ISYNA1: variants seen among roughly 807,000 people sequenced by gnomAD.
ISYNA1 encodes the protein inositol-3-phosphate synthase 1.
A neutral mutation model predicts 50.3 loss-of-function variants in ISYNA1; 34 were observed. The observed-to-expected ratio is 0.68, with a 90% CI of 0.51 to 0.90. The LOEUF (loss-of-function observed/expected upper bound fraction) is 0.90. Among genes scored for constraint, ISYNA1 ranks in the 40% least tolerant of loss-of-function variants. ISYNA1 has a pLI of 0.00. For missense variants in ISYNA1, 718 were observed against 784.8 expected (o/e 0.91, Z 1.02); for synonymous variants, 396 against 349.9 (o/e 1.13, Z -1.47).
At position 18,438,097 on chromosome 19, in the gene ISYNA1, G is replaced by A; in HGVS notation, c.-14C>T. 3 of 1,122,978 alleles carry A rather than the reference G, an allele frequency of 2.7e-6. No individual in the cohort carries two copies. Among genetic ancestry groups the A allele is most frequent in the Non-Finnish European group, 3.6e-6 (3 of 838,534 alleles). 69.6% of individuals were successfully genotyped at this position (1,122,978 alleles called of 1,614,324 possible). On this transcript the variant is annotated 5_prime_UTR_variant, in exon 1 of 11. Transcript: ENST00000338128. ...CCTGCCCCGAACCGCACTCACCGGCGCAGAGTCGACTCAGGCAGCGGCGGC... is the reference window on the plus strand; with the variant it reads ...CCTGCCCCGAACCGCACTCACCGGCACAGAGTCGACTCAGGCAGCGGCGGC...
At position 18,436,747 on chromosome 19, in the gene ISYNA1, T is replaced by A. The variant is rs1974067942; in HGVS notation, c.546A>T (p.Glu182Asp). Residue 182 changes from glutamate to aspartate, a missense_variant, in exon 5 of 11, where the codon GAA becomes GAT. Glu to Asp is a conservative substitution (Grantham distance 45). Transcript: ENST00000338128. Reference sequence around the variant, plus strand: ...GCGCGCTCTGGTTGGCCGCGATGAATTCGGGGATGTAAACAGAAGGCCGGG... The same window carrying A: ...GCGCGCTCTGGTTGGCCGCGATGAAATCGGGGATGTAAACAGAAGGCCGGG... Reference protein sequence around the residue: ...LRPRPSVYIPEFIAANQSARA... With the variant: ...LRPRPSVYIPDFIAANQSARA... 1.3e-6 allele frequency: 2 copies of A among 1,572,146 alleles called. No homozygotes were observed. The highest frequency in any genetic ancestry group is 8.6e-7 in the Non-Finnish European group (1 of 1,162,292).
Position 18,435,598 on chromosome 19 carries a change from C to T in ISYNA1, c.1219G>A (p.Gly407Arg), listed in dbSNP as rs1973964442. ...TTGTGCAGCACCAGTGTGTTGGTTC[C>T]GCCCAGCATCAGCTCCGAGGTATAC... ...DEYTSELMLG[G>R]TNTLVLHNTC... Residue 407 changes from glycine to arginine, a missense_variant, in exon 9 of 11, where the codon GGA becomes AGA. Coordinates refer to ENST00000338128, the MANE Select transcript of ISYNA1 (RefSeq NM_016368.5). 4 of 1,609,872 alleles carry T rather than the reference C, an allele frequency of 2.5e-6. No homozygotes were observed. In the South Asian group the frequency reaches 4.4e-5, roughly 18 times the overall value.
rs1192348544 is a variant in ISYNA1, at chr19:18,437,937, C to T, written c.43G>A (p.Val15Ile). 5 of 1,607,942 alleles carry T rather than the reference C, an allele frequency of 3.1e-6. No homozygotes were observed. Among genetic ancestry groups the T allele is most frequent in the South Asian group, 2.2e-5 (2 of 90,286 alleles). ...AQFFVESPDVVYGPEAIEAQY... is the reference protein window; with the variant it reads ...AQFFVESPDVIYGPEAIEAQY... ...GCCTCGATGGCCTCGGGGCCGTAGA[C>T]CACGTCCGGGCTCTCGACGAAGAAC... The change falls in exon 2 of 11, where the codon GTC becomes ATC. Residue 15 changes from valine to isoleucine, a missense_variant. Val to Ile is a conservative substitution (Grantham distance 29, BLOSUM62 3). Coordinates refer to ENST00000338128, the MANE Select transcript of ISYNA1 (RefSeq NM_016368.5).
chr19:18,436,249 T>C lies in ISYNA1; in HGVS notation c.760-2A>G, dbSNP rs896440976. The C allele has an allele frequency of 4.4e-6, 7 of 1,608,224 alleles. No individual in the cohort carries two copies. The highest frequency in any genetic ancestry group is 1.3e-5 in the African/African-American group (1 of 74,934). ...GGAGGGCGACACCTCCAGACCGAGC[T>C]GTGGGCAAGGCGGGCAGTCAGCACA... is the stretch of plus-strand genomic sequence containing the variant. On this transcript the variant is annotated splice_acceptor_variant, in intron 6 of 10. Coordinates refer to ENST00000338128, the MANE Select transcript of ISYNA1 (RefSeq NM_016368.5). LOFTEE classifies it high-confidence loss of function.
chr19:18,436,918 C>A, intron 4 of ISYNA1, 41 bp from the exon 5 acceptor site: 1 of 1,594,588 alleles, frequency 6.3e-7, no homozygotes, highest in Non-Finnish European at 8.6e-7. Flanking sequence ...GGATCCTGGG[C>A]CCCTCCAGAC....
At chr19:18,438,027 T>C (rs1054887034) in intron 1 of ISYNA1, 39 bp from the exon 2 acceptor site, 2 of 1,515,982 alleles carry the variant, frequency 1.3e-6, no homozygotes, top group Non-Finnish European at 1.8e-6. Context: ...GCGGGGACTC[T>C]AAGCGGCCGG....
intron 3 of ISYNA1, 152 bp from the exon 4 acceptor site, chr19:18,437,257 G>A: frequency 7.0e-7 from 1 of 1,433,842 alleles, no homozygotes; most frequent in South Asian, 1.5e-5. Context: ...GCTGCCCCCA[G>A]GCCCCTCCCC....
Position 18,436,009 on chromosome 19 carries a change from G to A in ISYNA1, c.975+23C>T, listed in dbSNP as rs73523088. ...CGGCCCAGGCCCCCTTCCTGCACTC[G>A]GCAGCTCCCTAGGCCCACGCACCTT... On this transcript the variant is annotated intron_variant, in intron 7 of 10. Transcript: ENST00000338128. 1,752 of 1,612,900 alleles carry A rather than the reference G, an allele frequency of 1.1e-3. 19 individuals are homozygous for A. In the African/African-American group the frequency reaches 0.016, roughly 15 times the overall value.
chr19:18,437,197 C>A, intron 3 of ISYNA1, 92 bp from the exon 4 acceptor site: 1 of 1,466,034 alleles, frequency 6.8e-7, no homozygotes, highest in Non-Finnish European at 9.0e-7. Flanking sequence ...CAAGCCCCGC[C>A]CCACTTTCGG....
rs993286117 is a variant in ISYNA1 at position 18,435,218 on chromosome 19, CAG to C, written c.1472+46_1472+47del. ...CCCCAAGCCCTGTGCATAGCTTAGCCAGGGGGGTATCTGGGCCCCGGGCGGGA... is the reference window on the plus strand; with the variant it reads ...CCCCAAGCCCTGTGCATAGCTTAGCCGGGGGTATCTGGGCCCCGGGCGGGA... On this transcript the variant is annotated intron_variant, in intron 10 of 10. Transcript: ENST00000338128. The C allele has an allele frequency of 5.8e-6, 9 of 1,560,406 alleles. No individual in the cohort carries two copies. In the African/African-American group the frequency reaches 1.6e-4, roughly 27 times the overall value.
In ISYNA1 at chr19:18,435,008, A is replaced by G. The variant is rs1323650792; in HGVS notation, c.1582T>C (p.Leu528=). Residue 528 remains leucine (L), a synonymous_variant, in exon 11 of 11, where the codon TTG becomes CTG. Transcript: ENST00000338128. ...GCGGGTACCGGTCCTTTCTTGTTCAACATAGGGTAGGTGGCAGCCACGGGT... is the reference window on the plus strand; with the variant it reads ...GCGGGTACCGGTCCTTTCTTGTTCAGCATAGGGTAGGTGGCAGCCACGGGT... ...VGPVAATYPM[L]NKKGPVPAAT... 1.4e-5 allele frequency: 23 copies of G among 1,613,372 alleles called. No individual in the cohort carries two copies. Among genetic ancestry groups the G allele is most frequent in the African/African-American group, 5.3e-5 (4 of 74,880 alleles).
At position 18,435,554 on chromosome 19, in the gene ISYNA1, G is replaced by T. The variant is rs550821314; in HGVS notation, c.1254+9C>A. 57 of 1,603,320 alleles carry T rather than the reference G, an allele frequency of 3.6e-5. No homozygotes were observed. In the South Asian group the frequency reaches 5.9e-4, roughly 17 times the overall value. On this transcript the variant is annotated intron_variant, in intron 9 of 10. Transcript: ENST00000338128. ...GCCTCCCATAGCAGCCCCTGAAGCC[G>T]CGCCGCACCTCACACGTGTTGTGCA...
At position 18,435,920 on chromosome 19, in the gene ISYNA1, G is replaced by A. The variant is rs762729669; in HGVS notation, c.977C>T (p.Thr326Ile). The change falls in exon 8 of 11, where the codon ACC becomes ATC. Residue 326 changes from threonine (T) to isoleucine (I), a missense_variant and splice_region_variant. By Grantham distance (89) the Thr-to-Ile change is moderately conservative (BLOSUM62 -1). This residue lies in a region of ISYNA1 where 403 missense variants were observed against 466.6 expected (regional missense o/e 0.86). Transcript: ENST00000338128. ...GTGGTTGTAACTCACGATGGACATG[G>A]TCTGTGGGTACAAGGGAAGCCCCAG... ...VDFLIGSGLK[T>I]MSIVSYNHLG... The A allele has an allele frequency of 3.1e-6, 5 of 1,613,780 alleles. No individual in the cohort carries two copies. The South Asian group carries it at 4.4e-5, about 14-fold the overall frequency.
At chr19:18,437,480 G>GC in intron 3 of ISYNA1, 119 bp downstream of exon 3, 2 of 764,132 alleles carry the variant, frequency 2.6e-6, no homozygotes, top group Non-Finnish European at 3.5e-6. Flanking sequence ...TCGCCCCGCG[G>GC]AACCCCACCC....
rs1453341017 is a variant in ISYNA1 at position 18,435,423 on chromosome 19, G to A, written c.1315C>T (p.Arg439Cys). ...TCCATGTCAGTGCAGAAGCTCACGC[G>A]CTGGCACAGCTCGGTCAGCAGCGCT... Reference protein sequence around the residue: ...DLALLTELCQRVSFCTDMDPE... With the variant: ...DLALLTELCQCVSFCTDMDPE... Residue 439 changes from arginine (R) to cysteine (C), a missense_variant, in exon 10 of 11, where the codon CGC becomes TGC. Physicochemically the swap from Arg to Cys is radical, Grantham distance 180 (BLOSUM62 -3). Coordinates refer to ENST00000338128, the MANE Select transcript of ISYNA1 (RefSeq NM_016368.5). 3 of 1,610,458 alleles carry A rather than the reference G, an allele frequency of 1.9e-6. No individual in the cohort carries two copies. Among genetic ancestry groups the A allele is most frequent in the Non-Finnish European group, 2.5e-6 (3 of 1,179,910 alleles).
rs778798808 is a variant in ISYNA1, at chr19:18,437,013, C to T, written c.375G>A (p.Ala125=). Residue 125 remains alanine, a synonymous_variant, in exon 4 of 11, where the codon GCG becomes GCA. Transcript: ENST00000338128. ...CGTTGGGCGCCACCATGGGCAGCAC[C>T]GCGCTGAAGGGTACGAACACCTCCT... The part of the protein sequence containing the change: ...EGQEVFVPFS[A]VLPMVAPNDL... The T allele has an allele frequency of 1.2e-6, 2 of 1,611,278 alleles. No homozygotes were observed. Among genetic ancestry groups the T allele is most frequent in the Admixed American group, 1.7e-5 (1 of 59,970 alleles).
chr19:18,437,105 C>G lies in ISYNA1; in HGVS notation c.283G>C (p.Glu95Gln). 6.3e-7 allele frequency: 1 copy of G among 1,576,834 alleles called. No homozygotes were observed. The highest frequency in any genetic ancestry group is 8.6e-7 in the Non-Finnish European group (1 of 1,162,752). Residue 95 changes from glutamate (E) to glutamine (Q), a missense_variant and splice_region_variant, in exon 4 of 11, where the codon GAG becomes CAG. This residue lies in a region of ISYNA1 where 403 missense variants were observed against 466.6 expected (regional missense o/e 0.86). Transcript: ENST00000338128. ...GTCAGCGAGCCGTAGTAGTTGGCCT[C>G]CTGGGGGTCAGCAGACACGGCGAGG... ...LSWPTRSGRK[E>Q]ANYYGSLTQA...
chr19:18,437,300 T>C (rs971425669), intron 3 of ISYNA1, 195 bp from the exon 4 acceptor site: 75 of 1,421,160 alleles, frequency 5.3e-5, no homozygotes, highest in Non-Finnish European at 6.8e-5. Flanking sequence ...TCCGCCCCTG[T>C]AAGACTCCCG....
At position 18,434,490 on chromosome 19, in the gene ISYNA1, G is replaced by A; in HGVS notation, c.*423C>T. 2.5e-6 allele frequency: 2 copies of A among 806,368 alleles called. No homozygotes were observed. Among genetic ancestry groups the A allele is most frequent in the Non-Finnish European group, 3.6e-6 (2 of 560,828 alleles). 50.0% of individuals were successfully genotyped at this position (806,368 alleles called of 1,614,324 possible). A position where few individuals can be genotyped will look rare whatever the true frequency, so the allele number is the denominator to read the frequency against. ...TTTGTCCCAGAGAGAAAGGCTCTTT[G>A]GGGGGCCCCTCTCCCCAGGACGTCA... On this transcript the variant is annotated 3_prime_UTR_variant, in exon 11 of 11. Coordinates refer to ENST00000338128, the MANE Select transcript of ISYNA1 (RefSeq NM_016368.5).
Sources: allele counts gnomAD v4.1 joint callset, GRCh38; gene constraint gnomAD v4.1.1; regional missense constraint gnomAD v4.1.1; transcripts MANE v1.5; gene names NCBI Gene and HGNC (gene_info 2026-07-23, HGNC 2026-07-21).